The following GTF2H1 variants were observed in gnomAD, a reference collection of about 807,000 sequenced individuals.
GTF2H1 encodes the protein BTF2 p62.
GTF2H1 carries 16 observed loss-of-function variants against 71.2 expected under a neutral mutation model. The ratio of observed to expected loss-of-function variants is 0.22; its 90% CI spans 0.15 to 0.34. The LOEUF (loss-of-function observed/expected upper bound fraction) is 0.34, where lower values mean the gene tolerates loss of function less well. Among genes scored for constraint, GTF2H1 ranks in the 10% least tolerant of loss-of-function variants. The pLI is 1.00. For missense variants in GTF2H1, 498 were observed against 648.2 expected (o/e 0.77, Z 2.52); for synonymous variants, 215 against 219.0 (o/e 0.98, Z 0.16).
intron 12 of GTF2H1, 195 bp downstream of exon 12, chr11:18,358,237 C>G: frequency 1.7e-6 from 1 of 600,234 alleles, no homozygotes; most frequent in Non-Finnish European, 3.0e-6. Context: ...CTTACTATTA[C>G]AAATAGTGGT....
chr11:18,338,169 G>A lies in GTF2H1; in HGVS notation c.408G>A (p.Val136=), dbSNP rs902223461. The A allele has an allele frequency of 6.2e-7, 1 of 1,608,352 alleles. No individual in the cohort carries two copies. ...QLYKDLVVSQ[V]ISAEEFWANR... ...ATAAAGACCTTGTTGTGAGTCAAGT[G>A]ATCAGTGCTGAGGAATTCTGGGCCA... The change falls in exon 4 of 15, where the codon GTG becomes GTA. Residue 136 remains valine, a synonymous_variant. Coordinates refer to ENST00000265963, the MANE Select transcript of GTF2H1 (RefSeq NM_005316.4).
At position 18,360,483 on chromosome 11, in the gene GTF2H1, A is replaced by G. The variant is rs1423164985; in HGVS notation, c.1468-132A>G. The G allele has an allele frequency of 1.1e-5, 6 of 532,888 alleles. No individual in the cohort carries two copies. The South Asian group carries it at 1.6e-4, about 14-fold the overall frequency. 33.0% of individuals were successfully genotyped at this position (532,888 alleles called of 1,614,324 possible). A position where few individuals can be genotyped will look rare whatever the true frequency, so the allele number is the denominator to read the frequency against. On this transcript the variant is annotated intron_variant, in intron 13 of 14. Transcript: ENST00000265963. Reference sequence around the variant, plus strand: ...GGGTTAACAATGTGATATAATTGGTATATTTTTATTTTATTTTTACATTTA... The same window carrying G: ...GGGTTAACAATGTGATATAATTGGTGTATTTTTATTTTATTTTTACATTTA...
intron 3 of GTF2H1, among the ~76,000 whole-genome samples, chr11:18,337,560 C>T (rs540432317): frequency 3.9e-5 from 6 of 152,278 alleles, no homozygotes; most frequent in African/African-American, 1.2e-4. Context: ...AGGAGTTCTA[C>T]ATCCACAGAT....
At position 18,358,035 on chromosome 11, in the gene GTF2H1, C is replaced by T. The variant is rs987885173; in HGVS notation, c.1344C>T (p.Ala448=). ...TTATGCAGGGAGGAACACAGCAAGCCATAAACCGTATGTGCCGGGCCATCT... is the reference window on the plus strand; with the variant it reads ...TTATGCAGGGAGGAACACAGCAAGCTATAAACCGTATGTGCCGGGCCATCT... ...GALMQGGTQQ[A]INQMVPNDIQ... The change falls in exon 12 of 15, where the codon GCC becomes GCT. Residue 448 remains alanine, a synonymous_variant. Transcript: ENST00000265963. 3.7e-6 allele frequency: 6 copies of T among 1,609,682 alleles called. No homozygotes were observed. Among genetic ancestry groups the T allele is most frequent in the Non-Finnish European group, 5.1e-6 (6 of 1,176,116 alleles).
Position 18,355,017 on chromosome 11 carries a change from C to T in GTF2H1, c.1260+2571C>T, listed in dbSNP as rs557771891. Among the ~76,000 whole-genome samples, 40 of 152,124 alleles carry T rather than the reference C, an allele frequency of 2.6e-4. 1 individual carries two copies. The South Asian group carries it at 2.7e-3, about 10-fold the overall frequency. On this transcript the variant is annotated intron_variant, in intron 11 of 14. Transcript: ENST00000265963. ...TAGAGACAGGGTTTTGCCATGTTGCCCAGGCTGGTCTTTAACTCCTGAGCT... is the reference window on the plus strand; with the variant it reads ...TAGAGACAGGGTTTTGCCATGTTGCTCAGGCTGGTCTTTAACTCCTGAGCT...
chr11:18,357,939 T>A lies in GTF2H1; in HGVS notation c.1261-13T>A. ...GAGGAAAACCAGTTTTAATGCATCTTCATTTTTTTCAGGTTCTCTCAAGTA... is the reference window on the plus strand; with the variant it reads ...GAGGAAAACCAGTTTTAATGCATCTACATTTTTTTCAGGTTCTCTCAAGTA... On this transcript the variant is annotated splice_polypyrimidine_tract_variant and intron_variant, in intron 11 of 14. Coordinates refer to ENST00000265963, the MANE Select transcript of GTF2H1 (RefSeq NM_005316.4). 1 of 1,560,296 alleles carries A rather than the reference T, an allele frequency of 6.4e-7. No individual in the cohort carries two copies.
chr11:18,357,923 C>G, intron 11 of GTF2H1, 29 bp from the exon 12 acceptor site: 1 of 1,375,152 alleles, frequency 7.3e-7, no homozygotes, highest in Non-Finnish European at 1.0e-6. Context: ...GGAGGAAAAC[C>G]AGTTTTAATG....
intron 3 of GTF2H1, among the ~76,000 whole-genome samples, chr11:18,337,437 T>TC (rs1865055081): frequency 6.6e-6 from 1 of 151,752 alleles, no homozygotes; most frequent in Non-Finnish European, 1.5e-5. Flanking sequence ...AGAGCGAGAC[T>TC]CCATCTCAAA....
intron 1 of GTF2H1, among the ~76,000 whole-genome samples, chr11:18,323,300 C>T (rs954827668): frequency 1.3e-4 from 19 of 151,644 alleles, no homozygotes; most frequent in South Asian, 2.1e-4. Flanking sequence ...GGTGACTTTT[C>T]TTATTTTTTT....
intron 13 of GTF2H1, among the ~76,000 whole-genome samples, chr11:18,359,410 T>G (rs1865644982): frequency 6.6e-6 from 1 of 152,122 alleles, no homozygotes; most frequent in Non-Finnish European, 1.5e-5. Flanking sequence ...AAAAGAATAT[T>G]TTTTTCACCT....
chr11:18,336,036 T>C, intron 3 of GTF2H1, 90 bp downstream of exon 3: 1 of 940,206 alleles, frequency 1.1e-6, no homozygotes, highest in Non-Finnish European at 1.5e-6. Context: ...TCCCCACGTT[T>C]TTTCGGTTTT....
intron 1 of GTF2H1, among the ~76,000 whole-genome samples, chr11:18,329,543 A>C (rs1007069143): frequency 6.6e-6 from 1 of 152,108 alleles, no homozygotes; most frequent in Non-Finnish European, 1.5e-5. Flanking sequence ...CTAAAATACA[A>C]ATCACTCCCC....
Position 18,333,057 on chromosome 11 carries a change from T to C in GTF2H1, c.-15-3T>C, listed in dbSNP as rs1419479842. 2.5e-6 allele frequency: 4 copies of C among 1,600,994 alleles called. No homozygotes were observed. Among genetic ancestry groups the C allele is most frequent in the South Asian group, 2.2e-5 (2 of 89,056 alleles). ...TTTTCTTCATCTTTTTTTTCTCTCT[T>C]AGCACCTTCTAGCCACCATGGCAAC... On this transcript the variant is annotated splice_polypyrimidine_tract_variant and splice_region_variant and intron_variant, in intron 1 of 14. Transcript: ENST00000265963.
intron 14 of GTF2H1, among the ~76,000 whole-genome samples, chr11:18,365,419 T>C (rs1865798860): frequency 6.6e-6 from 1 of 152,162 alleles, no homozygotes; most frequent in African/African-American, 2.4e-5. Context: ...ACTACCATCC[T>C]GGCCTTAGTT....
At chr11:18,322,999 T>C (rs1864564915) in intron 1 of GTF2H1, among the ~76,000 whole-genome samples, 1 of 152,210 alleles carries the variant, frequency 6.6e-6, no homozygotes, top group African/African-American at 2.4e-5. Context: ...ATTTGGCTTA[T>C]GAGAATGAAG....
intron 2 of GTF2H1, 75 bp from the exon 3 acceptor site, chr11:18,335,679 G>A: frequency 9.5e-7 from 1 of 1,047,840 alleles, no homozygotes; most frequent in Non-Finnish European, 1.4e-6. Flanking sequence ...AATCATCTTG[G>A]GAGAAGTAAC....
chr11:18,348,477 TAGAG>T (rs1041633526), intron 9 of GTF2H1: 13 of 154,052 alleles, frequency 8.4e-5, no homozygotes, highest in Admixed American at 1.3e-4. Flanking sequence ...AAAGCTTTCT[TAGAG>T]AGCAGTCAGG....
intron 2 of GTF2H1, 76 bp downstream of exon 2, chr11:18,333,304 T>C (rs991786652): frequency 7.6e-5 from 81 of 1,066,934 alleles, no homozygotes; most frequent in Non-Finnish European, 9.6e-5. Flanking sequence ...ATTATATAAA[T>C]CTTTATTTTA....
chr11:18,358,505 G>C lies in GTF2H1; in HGVS notation c.1352-20G>C, dbSNP rs774364636. On this transcript the variant is annotated intron_variant, in intron 12 of 14. Coordinates refer to ENST00000265963, the MANE Select transcript of GTF2H1 (RefSeq NM_005316.4). ...TGTTAAAATAGCTCTTAACCTATGG[G>C]CCTTGTTCTTCTTTTGCAGAGATGG... The C allele has an allele frequency of 7.4e-7, 1 of 1,359,302 alleles. No homozygotes were observed. The highest frequency in any genetic ancestry group is 1.1e-6 in the Non-Finnish European group (1 of 948,038). The allele number at this position is 1,359,302 out of a possible 1,614,324, so 84.2% of individuals were successfully genotyped here.
Sources: gnomAD v4.1 joint callset for allele counts (sites outside exome capture counted in the v4.1 genomes callset) on GRCh38, gnomAD v4.1.1 for gene constraint, MANE v1.5 for transcripts, NCBI Gene and HGNC (gene_info 2026-07-23, HGNC 2026-07-21) for gene names.